The following DMD variants were observed in gnomAD, a reference collection of about 807,000 sequenced individuals.
The protein encoded by DMD is mutant dystrophin.
In DMD, 63 loss-of-function variants were observed where a neutral mutation model predicts 330.1. That is an observed-to-expected ratio of 0.19 (90% CI 0.16 to 0.24). The LOEUF is 0.24. Among genes scored for constraint, DMD ranks in the 10% least tolerant of loss-of-function variants. DMD has a pLI of 1.00. For synonymous variants in DMD, 1,223 were observed against 959.8 expected, an observed-to-expected ratio of 1.27 and a Z score of -5.07; for missense variants, 3,344 against 2,684.1, an observed-to-expected ratio of 1.25 and a Z score of -5.43.
intron 1 of DMD, among the ~76,000 whole-genome samples, chrX:33,077,621 C>T (rs750869637): frequency 8.1e-5 from 9 of 111,350 alleles, no homozygotes; most frequent in Non-Finnish European, 1.7e-4. Context: ...CCAAGGCTTG[C>T]GTGGCAGAAA....
At chrX:31,666,045 C>T (rs1226053660) in intron 53 of DMD, among the ~76,000 whole-genome samples, 1 of 111,564 alleles carries the variant, frequency 9.0e-6, no homozygotes, top group Non-Finnish European at 1.9e-5. Flanking sequence ...CACCCAGCTA[C>T]CCCAGGCATC....
chrX:32,260,630 T>C (rs977510797), intron 43 of DMD, among the ~76,000 whole-genome samples: 1 of 111,891 alleles, frequency 8.9e-6, no homozygotes, highest in South Asian at 3.8e-4. Context: ...AGCATTTTAA[T>C]GACAGCATCC....
chrX:31,870,381 C>T lies in DMD; in HGVS notation c.7098+4807G>A, dbSNP rs974838790. Among the ~76,000 whole-genome samples the T allele has an allele frequency of 4.5e-5, 5 of 111,578 alleles. No individual in the cohort carries two copies. The Admixed American group carries it at 4.7e-4, about 11-fold the overall frequency. ...TAGAATCATCAAAAAAGATAGTGCC[C>T]CAATCTGCTAGTCTTCTGTTGGGAG... is the stretch of plus-strand genomic sequence containing the variant. On this transcript the variant is annotated intron_variant, in intron 48 of 78. Coordinates refer to ENST00000357033, the MANE Select transcript of DMD (RefSeq NM_004006.3).
intron 1 of DMD, among the ~76,000 whole-genome samples, chrX:33,305,921 T>C (rs1217673923): frequency 8.9e-6 from 1 of 111,961 alleles, no homozygotes; most frequent in African/African-American, 3.2e-5. Flanking sequence ...TGCCCAAATA[T>C]AGCTTCTGTA....
chrX:31,866,375 G>A (rs1354408931), intron 48 of DMD, among the ~76,000 whole-genome samples: 1 of 111,670 alleles, frequency 9.0e-6, no homozygotes, highest in African/African-American at 3.3e-5. Flanking sequence ...ACTGGATACC[G>A]TGTACGTTCA....
chrX:32,601,738 C>T (rs1009705650), intron 12 of DMD, among the ~76,000 whole-genome samples: 3 of 109,736 alleles, frequency 2.7e-5, no homozygotes, highest in Non-Finnish European at 5.7e-5. Context: ...AGAAAGTCAT[C>T]AACCACACCA....
intron 2 of DMD, among the ~76,000 whole-genome samples, chrX:32,905,014 T>C (rs1252638888): frequency 1.8e-5 from 2 of 112,641 alleles, no homozygotes; most frequent in Non-Finnish European, 3.7e-5. Flanking sequence ...TATGTATATA[T>C]GTATTTCTGT....
chrX:32,210,359 C>G (rs1043530688), intron 44 of DMD, among the ~76,000 whole-genome samples: 1 of 111,289 alleles, frequency 9.0e-6, no homozygotes, highest in Non-Finnish European at 1.9e-5. Flanking sequence ...AAAGGACAAG[C>G]AATGGTATGA....
At chrX:32,684,229 C>CCACACA (rs57929717) in intron 9 of DMD, among the ~76,000 whole-genome samples, 1 of 107,426 alleles carries the variant, frequency 9.3e-6, no homozygotes, top group African/African-American at 3.4e-5. Flanking sequence ...ATGTATATAC[C>CCACACA]CACACACACA....
chrX:32,468,390 G>A (rs1039521322), intron 23 of DMD, 108 bp downstream of exon 23: 2 of 693,337 alleles, frequency 2.9e-6, no homozygotes, highest in Non-Finnish European at 4.4e-6. Context: ...CACTAACTTT[G>A]AAAGATGCTG....
At chrX:32,537,884 T>A (rs1227548642) in intron 17 of DMD, among the ~76,000 whole-genome samples, 1 of 112,244 alleles carries the variant, frequency 8.9e-6, no homozygotes, top group Non-Finnish European at 1.9e-5. Context: ...GAAGAATACA[T>A]TTTCACATAG....
intron 2 of DMD, among the ~76,000 whole-genome samples, chrX:33,011,144 T>A (rs924297811): frequency 9.0e-6 from 1 of 111,650 alleles, no homozygotes; most frequent in Non-Finnish European, 1.9e-5. Flanking sequence ...GCATGAAGCA[T>A]TAGTGGTGGT....
intron 17 of DMD, among the ~76,000 whole-genome samples, chrX:32,540,383 G>A (rs921577943): frequency 9.0e-6 from 1 of 111,663 alleles, no homozygotes. Flanking sequence ...TCGACTAAAT[G>A]TACCTTAGAT....
At chrX:31,758,186 A>G (rs894655473) in intron 51 of DMD, among the ~76,000 whole-genome samples, 4 of 111,113 alleles carry the variant, frequency 3.6e-5, no homozygotes, top group African/African-American at 1.3e-4. Flanking sequence ...AAAACTCTCC[A>G]AAGTGTAGGT....
intron 62 of DMD, among the ~76,000 whole-genome samples, chrX:31,290,173 G>A (rs752507569): frequency 5.5e-5 from 6 of 109,835 alleles, no homozygotes; most frequent in African/African-American, 1.3e-4. Flanking sequence ...TACCCGCCTC[G>A]GCCTCCCAAA....
chrX:31,421,904 CACACACACACATAT>C (rs1298724326), intron 60 of DMD, among the ~76,000 whole-genome samples: 1 of 63,136 alleles, frequency 1.6e-5, no homozygotes, highest in African/African-American at 1.2e-4. Context: ...TATATATACA[CACACACACACATAT>C]ATATATATAT....
chrX:32,779,428 T>C (rs1468124379), intron 7 of DMD, among the ~76,000 whole-genome samples: 4 of 110,808 alleles, frequency 3.6e-5, no homozygotes, highest in Non-Finnish European at 5.7e-5. Flanking sequence ...TTTTAAAATG[T>C]TTAATAAATC....
intron 2 of DMD, among the ~76,000 whole-genome samples, chrX:32,937,891 T>C (rs1011211264): frequency 9.0e-6 from 1 of 111,192 alleles, no homozygotes; most frequent in East Asian, 2.8e-4. Flanking sequence ...TTGGGGATGA[T>C]GTCAATTATT....
At position 31,459,960 on chromosome X, in the gene DMD, T is replaced by C. The variant is rs183890528; in HGVS notation, c.8938-15333A>G. Among the ~76,000 whole-genome samples the C allele has an allele frequency of 7.1e-3, 793 of 112,196 alleles. 5 individuals carry two copies. Among genetic ancestry groups the C allele is most frequent in the Non-Finnish European group, 0.01 (549 of 53,230 alleles). On this transcript the variant is annotated intron_variant, in intron 59 of 78. Transcript: ENST00000357033. ...TGAACATTAATCAAATTGCTTCTAA[T>C]GTAAAATTTCATTTTTTCTCATCCT...
Sources: gnomAD v4.1 joint callset for allele counts (sites outside exome capture counted in the v4.1 genomes callset) on GRCh38, gnomAD v4.1.1 for gene constraint, MANE v1.5 for transcripts, NCBI Gene and HGNC (gene_info 2026-07-23, HGNC 2026-07-21) for gene names.